Variants in SENP7 observed in about 807,000 individuals in gnomAD.
The protein encoded by SENP7 is sentrin-specific protease 7.
In SENP7, 64 loss-of-function variants were observed where a neutral mutation model predicts 141.2. The observed-to-expected ratio is 0.45, with a 90% CI of 0.37 to 0.56. The LOEUF is 0.56. Among genes scored for constraint, SENP7 ranks in the 20% least tolerant of loss-of-function variants. The probability of loss-of-function intolerance (pLI) is 0.00; values close to 1 mark genes in which losing one functional copy is unlikely to be tolerated. For missense variants in SENP7, 1,025 were observed against 1,212.2 expected, an observed-to-expected ratio of 0.85 and a Z score of 2.29; for synonymous variants, 382 against 426.4, an observed-to-expected ratio of 0.90 and a Z score of 1.28.
chr3:101,379,647 T>C (rs983670386), intron 6 of SENP7, among the ~76,000 whole-genome samples: 4 of 152,044 alleles, frequency 2.6e-5, no homozygotes, highest in African/African-American at 9.7e-5. Context: ...TCACATGCAT[T>C]AGGATGGTTA....
Position 101,376,634 on chromosome 3 carries a change from T to G in SENP7, c.678-4508A>C, listed in dbSNP as rs570319624. Among the ~76,000 whole-genome samples, 835 of 144,696 alleles carry G rather than the reference T, an allele frequency of 5.8e-3. 15 individuals carry two copies. Among genetic ancestry groups the G allele is most frequent in the African/African-American group, 0.02 (765 of 38,534 alleles). The allele number at this position is 144,696 out of a possible 152,430, so 94.9% of individuals were successfully genotyped here. A position where few individuals can be genotyped will look rare whatever the true frequency, so the allele number is the denominator to read the frequency against. ...GAATATCACACTCTGGGGACTGTTG[T>G]GGGGTGGGGGGAGCGGGGAGGGATA... On this transcript the variant is annotated intron_variant, in intron 6 of 23. Coordinates refer to ENST00000394095, the MANE Select transcript of SENP7 (RefSeq NM_020654.5).
intron 6 of SENP7, among the ~76,000 whole-genome samples, chr3:101,382,282 C>A (rs995046204): frequency 6.6e-6 from 1 of 152,090 alleles, no homozygotes; most frequent in African/African-American, 2.4e-5. Flanking sequence ...GCTCAAGCAA[C>A]CTTCCAGCTT....
chr3:101,397,875 G>T (rs1484158740), intron 6 of SENP7, among the ~76,000 whole-genome samples: 1 of 152,148 alleles, frequency 6.6e-6, no homozygotes. Context: ...GCAAATGGAA[G>T]TTTATAAATC....
chr3:101,384,509 G>A (rs2060596368), intron 6 of SENP7, among the ~76,000 whole-genome samples: 1 of 152,192 alleles, frequency 6.6e-6, no homozygotes, highest in Non-Finnish European at 1.5e-5. Flanking sequence ...TGCCAGCAGT[G>A]GAAGCCACTT....
chr3:101,424,973 T>C (rs535336608), intron 4 of SENP7, among the ~76,000 whole-genome samples: 1 of 152,340 alleles, frequency 6.6e-6, no homozygotes, highest in South Asian at 2.1e-4. Flanking sequence ...AATGGTTTTA[T>C]AAAGGGAAAC....
chr3:101,485,306 C>A (rs757903223), intron 3 of SENP7, among the ~76,000 whole-genome samples: 13 of 151,990 alleles, frequency 8.6e-5, no homozygotes, highest in Non-Finnish European at 1.8e-4. Flanking sequence ...TCAACCAGCA[C>A]AAAAATAGAA....
At chr3:101,350,173 G>C (rs1356556312) in intron 12 of SENP7, among the ~76,000 whole-genome samples, 2 of 152,164 alleles carry the variant, frequency 1.3e-5, no homozygotes, top group Non-Finnish European at 2.9e-5. Flanking sequence ...AGGAATGACA[G>C]AATAGAAAAA....
chr3:101,371,126 C>T (rs1408268917), intron 7 of SENP7, among the ~76,000 whole-genome samples: 1 of 151,894 alleles, frequency 6.6e-6, no homozygotes, highest in African/African-American at 2.4e-5. Flanking sequence ...CTTGTCTCTG[C>T]AAAATACAAA....
intron 4 of SENP7, among the ~76,000 whole-genome samples, chr3:101,456,598 C>T (rs1424302787): frequency 2.0e-5 from 3 of 151,820 alleles, no homozygotes; most frequent in Non-Finnish European, 4.4e-5. Flanking sequence ...TCTTTTTATG[C>T]TAGGCTGATA....
chr3:101,496,226 A>C (rs1023978082), intron 2 of SENP7, among the ~76,000 whole-genome samples: 2 of 152,156 alleles, frequency 1.3e-5, no homozygotes, highest in African/African-American at 4.8e-5. Flanking sequence ...CTCTACAACA[A>C]TCTAGTGTCA....
At chr3:101,375,089 T>A (rs1447358929) in intron 6 of SENP7, among the ~76,000 whole-genome samples, 3 of 151,704 alleles carry the variant, frequency 2.0e-5, no homozygotes, top group Admixed American at 6.6e-5. Flanking sequence ...CAGAGTAATT[T>A]AAAAAAAAAT....
intron 4 of SENP7, chr3:101,458,710 T>A (rs955576463): frequency 3.5e-6 from 1 of 282,204 alleles, no homozygotes; most frequent in East Asian, 6.3e-5. Context: ...TCATTATCAG[T>A]CTATGTATAA....
Position 101,361,218 on chromosome 3 carries a change from C to CGA in SENP7, c.1623+496_1623+497insTC, listed in dbSNP as rs375440743. ...AAACAGTGAGACTCTGTCCGCCCCCCCAAAAAAAAAAAATAGAGAACCGAG... is the reference window on the plus strand; with the variant it reads ...AAACAGTGAGACTCTGTCCGCCCCCCGACAAAAAAAAAAAATAGAGAACCGAG... On this transcript the variant is annotated intron_variant, in intron 11 of 23. Coordinates refer to ENST00000394095, the MANE Select transcript of SENP7 (RefSeq NM_020654.5). Among the ~76,000 whole-genome samples the CGA allele has an allele frequency of 3.6e-3, 536 of 149,308 alleles. 3 individuals are homozygous for CGA. The highest frequency in any genetic ancestry group is 0.017 in the Middle Eastern group (5 of 290).
intron 4 of SENP7, among the ~76,000 whole-genome samples, chr3:101,445,782 T>C (rs1201657383): frequency 6.6e-6 from 1 of 151,964 alleles, no homozygotes. Context: ...TCAAAAAACT[T>C]ACAAAGAAAC....
At chr3:101,453,463 A>T (rs938614435) in intron 4 of SENP7, among the ~76,000 whole-genome samples, 1 of 152,188 alleles carries the variant, frequency 6.6e-6, no homozygotes. Flanking sequence ...CTTGGAACCA[A>T]CCCAAATGTC....
At chr3:101,410,898 T>C (rs1011043811) in intron 5 of SENP7, among the ~76,000 whole-genome samples, 1 of 59,930 alleles carries the variant, frequency 1.7e-5, no homozygotes, top group African/African-American at 6.5e-5. Flanking sequence ...AAGAATTAGA[T>C]ATGGTATCTG....
chr3:101,353,414 A>T (rs9875156), intron 11 of SENP7, among the ~76,000 whole-genome samples: 2 of 151,562 alleles, frequency 1.3e-5, no homozygotes, highest in African/African-American at 2.4e-5. Flanking sequence ...AAATGTTTCT[A>T]CTTGGCAAGG....
intron 11 of SENP7, among the ~76,000 whole-genome samples, chr3:101,354,893 G>A (rs1403414707): frequency 6.6e-6 from 1 of 151,822 alleles, no homozygotes; most frequent in Admixed American, 6.6e-5. Flanking sequence ...TCAGCATGTT[G>A]TTGACCTTTT....
At chr3:101,512,961 G>T in intron 1 of SENP7, 130 bp downstream of exon 1, 1 of 994,918 alleles carries the variant, frequency 1.0e-6, no homozygotes, top group Non-Finnish European at 1.6e-6. Flanking sequence ...TCCATTGTGC[G>T]CGCCCCTTCC....
Sources: allele counts gnomAD v4.1 joint callset (sites outside exome capture counted in the v4.1 genomes callset), GRCh38; gene constraint gnomAD v4.1.1; transcripts MANE v1.5; gene names NCBI Gene and HGNC (gene_info 2026-07-23, HGNC 2026-07-21).